CAPN12: variants seen among roughly 807,000 people sequenced by gnomAD.
The protein encoded by CAPN12 is calpain-12.
Under a neutral mutation model 95.0 loss-of-function variants are expected in CAPN12, and 107 were observed. The ratio of observed to expected loss-of-function variants is 1.13; its 90% CI spans 0.96 to 1.32. CAPN12 has a LOEUF of 1.32. CAPN12 is among the 40% of genes most tolerant of loss of function. The probability of loss-of-function intolerance (pLI) is 0.00; values close to 1 mark genes in which losing one functional copy is unlikely to be tolerated. For synonymous variants in CAPN12, 505 were observed against 415.5 expected (o/e 1.22, Z -2.62); for missense variants, 1,136 against 997.8 (o/e 1.14, Z -1.87).
Position 38,743,131 on chromosome 19 carries a change from A to G in CAPN12, c.238-29T>C, listed in dbSNP as rs1157715206. 5.0e-6 allele frequency: 8 copies of G among 1,613,294 alleles called. No homozygotes were observed. In the South Asian group the frequency reaches 6.6e-5, roughly 13 times the overall value. ...TGGGTGGTGGGGGATTCCAGGCCTC[A>G]GCCTGAGAAAGCGAGGAAAGGTCTC... On this transcript the variant is annotated intron_variant, in intron 1 of 20. Transcript: ENST00000328867.
chr19:38,731,089 T>C lies in CAPN12; in HGVS notation c.2074+18A>G, dbSNP rs1969559400. The C allele has an allele frequency of 1.3e-6, 2 of 1,522,540 alleles. No homozygotes were observed. The highest frequency in any genetic ancestry group is 2.3e-5 in the East Asian group (1 of 43,888). The allele number at this position is 1,522,540 out of a possible 1,614,324, so 94.3% of individuals were successfully genotyped here. A position where few individuals can be genotyped will look rare whatever the true frequency, so the allele number is the denominator to read the frequency against. ...TACCCCTTCCCCCCATGCCCCACCA[T>C]GCCGGGGTGGTACTCACAGAAGATG... On this transcript the variant is annotated intron_variant, in intron 19 of 20. Coordinates refer to ENST00000328867, the MANE Select transcript of CAPN12 (RefSeq NM_144691.4).
At chr19:38,743,222 TC>T in intron 1 of CAPN12, 120 bp from the exon 2 acceptor site, 1 of 1,107,418 alleles carries the variant, frequency 9.0e-7, no homozygotes, top group Non-Finnish European at 1.3e-6. Flanking sequence ...GAGCATGGCT[TC>T]CCTGGGTCTC....
At position 38,743,041 on chromosome 19, in the gene CAPN12, C is replaced by A; in HGVS notation, c.299G>T (p.Gly100Val). ...EDMSRTDVCQ[G>V]SLGNCWFLAA... ...TGGGTTCAGGGTCTCACCCAGGCTC[C>A]CCTGACACACGTCTGTGCGGCTCAT... is the stretch of plus-strand genomic sequence containing the variant. Residue 100 changes from glycine to valine, a missense_variant, in exon 2 of 21, where the codon GGG becomes GTG. Transcript: ENST00000328867. 1 of 1,613,908 alleles carries A rather than the reference C, an allele frequency of 6.2e-7. No individual in the cohort carries two copies. The highest frequency in any genetic ancestry group is 8.5e-7 in the Non-Finnish European group (1 of 1,179,938).
At chr19:38,741,614 A>T (rs2145261181) in intron 4 of CAPN12, among the ~76,000 whole-genome samples, 163 bp downstream of exon 4, 2 of 151,064 alleles carry the variant, frequency 1.3e-5, no homozygotes, top group Middle Eastern at 6.9e-3. Flanking sequence ...GAAGTTGCTC[A>T]GGTGATGTTG....
rs765191182 is a variant in CAPN12, at chr19:38,738,320, G to A, written c.918C>T (p.Thr306=). ...DSCPRWDTLP[T]ECRDALLVKK... ...TCACCAGCAGGGCATCGCGGCACTC[G>A]GTGGGGAGTGTGTCCCAGCGTGGGC... is the stretch of plus-strand genomic sequence containing the variant. Residue 306 remains threonine, a synonymous_variant, in exon 8 of 21, where the codon ACC becomes ACT. Coordinates refer to ENST00000328867, the MANE Select transcript of CAPN12 (RefSeq NM_144691.4). 48 of 1,611,950 alleles carry A rather than the reference G, an allele frequency of 3.0e-5. No homozygotes were observed. The highest frequency in any genetic ancestry group is 6.6e-5 in the South Asian group (6 of 91,008).
At chr19:38,740,997 T>A (rs941805930) in intron 4 of CAPN12, among the ~76,000 whole-genome samples, 5 of 151,954 alleles carry the variant, frequency 3.3e-5, no homozygotes, top group South Asian at 2.1e-4. Flanking sequence ...CTTTGGGGGA[T>A]CATCCCTATG....
chr19:38,742,555 A>G, intron 2 of CAPN12, 27 bp from the exon 3 acceptor site: 1 of 1,527,248 alleles, frequency 6.5e-7, no homozygotes, highest in Non-Finnish European at 9.0e-7. Context: ...GGATTAGGTG[A>G]GGATGGAAGG....
intron 12 of CAPN12, among the ~76,000 whole-genome samples, 162 bp downstream of exon 12, chr19:38,735,948 G>A (rs1410788057): frequency 6.2e-5 from 1 of 16,184 alleles, no homozygotes; most frequent in African/African-American, 1.7e-4. Context: ...GGGGCGGGGC[G>A]GGGCGGGGGT....
Position 38,741,586 on chromosome 19 carries a change from GA to G in CAPN12, c.560+190del, listed in dbSNP as rs74176460. 0.012 allele frequency among the ~76,000 whole-genome samples: 1,637 copies of G among 132,230 alleles called. 34 individuals are homozygous for G. Among genetic ancestry groups the G allele is most frequent in the African/African-American group, 0.038 (1,392 of 36,172 alleles). The allele number at this position is 132,230 out of a possible 152,430, so 86.7% of individuals were successfully genotyped here. ...AGTGAGACTCCGTCTCAAAAAAAAA[GA>G]AAAAAAAAAAAAACATGAAGTTGCT... On this transcript the variant is annotated intron_variant, in intron 4 of 20. Coordinates refer to ENST00000328867, the MANE Select transcript of CAPN12 (RefSeq NM_144691.4).
In CAPN12 at chr19:38,730,689, T is replaced by C. The variant is rs1424300300; in HGVS notation, c.*163A>G. 1 of 753,016 alleles carries C rather than the reference T, an allele frequency of 1.3e-6. No homozygotes were observed. The highest frequency in any genetic ancestry group is 2.7e-5 in the East Asian group (1 of 37,220). The allele number at this position is 753,016 out of a possible 1,614,324, so 46.6% of individuals were successfully genotyped here. A position where few individuals can be genotyped will look rare whatever the true frequency, so the allele number is the denominator to read the frequency against. The stretch of plus-strand genomic sequence containing the variant: ...GCTGTTCTTGTTTCTGAGTGAGGAG[T>C]ACGCAGGCCAGAGTGGTCACCCGGC... On this transcript the variant is annotated 3_prime_UTR_variant, in exon 21 of 21. Transcript: ENST00000328867.
Position 38,734,307 on chromosome 19 carries a change from C to A in CAPN12, c.1815+12G>T. On this transcript the variant is annotated intron_variant, in intron 16 of 20. Transcript: ENST00000328867. ...CACTCCCTCCCTCACCCAGGCACTG[C>A]CCCCCATGTACCCCGAAACACTGCA... 2 of 1,604,078 alleles carry A rather than the reference C, an allele frequency of 1.2e-6. No individual in the cohort carries two copies. Among genetic ancestry groups the A allele is most frequent in the South Asian group, 1.1e-5 (1 of 90,000 alleles).
intron 15 of CAPN12, 161 bp downstream of exon 15, chr19:38,734,652 A>C (rs1450217438): frequency 4.3e-6 from 3 of 696,874 alleles, no homozygotes; most frequent in Non-Finnish European, 7.1e-6. Flanking sequence ...CACGGGGCCC[A>C]CACAAGATCC....
chr19:38,737,644 C>G lies in CAPN12; in HGVS notation c.966-6G>C, dbSNP rs1353336401. The G allele has an allele frequency of 6.3e-7, 1 of 1,582,010 alleles. No homozygotes were observed. ...GGAAGTCCCGCAGCTCCATCCTGCA[C>G]GGTGGCCCAGTCAGACCCTGCCCGG... On this transcript the variant is annotated splice_polypyrimidine_tract_variant and splice_region_variant and intron_variant, in intron 8 of 20. Transcript: ENST00000328867.
chr19:38,737,665 C>A (rs774665004), intron 8 of CAPN12, 27 bp from the exon 9 acceptor site: 13 of 1,527,660 alleles, frequency 8.5e-6, no homozygotes, highest in Non-Finnish European at 1.1e-5. Context: ...TCAGACCCTG[C>A]CCGGCCCCAC....
Position 38,731,042 on chromosome 19 carries a change from G to A in CAPN12, c.2075-19C>T, listed in dbSNP as rs929551284. On this transcript the variant is annotated intron_variant, in intron 19 of 20. Transcript: ENST00000328867. ...CAGTGGCCTGTGCAGAGAGGGGCAG[G>A]GTGAGTGCCCACCAGTCCCCGTACC... The A allele has an allele frequency of 9.6e-6, 15 of 1,557,642 alleles. No homozygotes were observed. Among genetic ancestry groups the A allele is most frequent in the Non-Finnish European group, 1.2e-5 (14 of 1,151,420 alleles).
chr19:38,737,730 A>T (rs1199544093), intron 8 of CAPN12, 92 bp from the exon 9 acceptor site: 11 of 1,403,546 alleles, frequency 7.8e-6, no homozygotes, highest in Non-Finnish European at 1.0e-5. Context: ...AGCCCCTCAC[A>T]TTTCTTAAAT....
intron 2 of CAPN12, 75 bp downstream of exon 2, chr19:38,742,958 C>T (rs1970647935): frequency 2.8e-6 from 4 of 1,449,138 alleles, no homozygotes; most frequent in Non-Finnish European, 3.9e-6. Flanking sequence ...AGTGGGTGGA[C>T]AAAGGGATGG....
intron 18 of CAPN12, among the ~76,000 whole-genome samples, chr19:38,732,665 T>A (rs1251580150): frequency 6.6e-6 from 1 of 152,128 alleles, no homozygotes; most frequent in East Asian, 1.9e-4. Context: ...CTTGACCACC[T>A]TCTCTGGGTC....
rs900799271 is a variant in CAPN12 at position 38,740,133 on chromosome 19, T to C, written c.647A>G (p.Tyr216Cys). 3 of 1,612,578 alleles carry C rather than the reference T, an allele frequency of 1.9e-6. No individual in the cohort carries two copies. The highest frequency in any genetic ancestry group is 2.5e-6 in the Non-Finnish European group (3 of 1,178,912). Reference protein sequence around the residue: ...DFTGGVGEVLYLRQNSMGLFS... With the variant: ...DFTGGVGEVLCLRQNSMGLFS... The stretch of plus-strand genomic sequence containing the variant: ...CAGCCCCATGCTGTTTTGTCTCAGA[T>C]AGAGCACCTCGCCCACGCCGCCTGT... The change falls in exon 5 of 21, where the codon TAT (tyrosine) becomes TGT (cysteine). Residue 216 changes from tyrosine to cysteine, a missense_variant. Tyr to Cys is a radical substitution (Grantham distance 194). Transcript: ENST00000328867.
Sources: allele counts gnomAD v4.1 joint callset (sites outside exome capture counted in the v4.1 genomes callset), GRCh38; gene constraint gnomAD v4.1.1; transcripts MANE v1.5; gene names NCBI Gene and HGNC (gene_info 2026-07-23, HGNC 2026-07-21).